Variants in RSRC1 observed in about 807,000 individuals in gnomAD.
The protein encoded by RSRC1 is arginine and serine rich coiled-coil 1, also known as serine/Arginine-related protein 53.
Under a neutral mutation model 49.1 loss-of-function variants are expected in RSRC1, and 39 were observed. The observed-to-expected ratio is 0.79, with a 90% CI of 0.61 to 1.04. The LOEUF (loss-of-function observed/expected upper bound fraction) is 1.04. Ranked by LOEUF, RSRC1 falls within the 50% of genes least tolerant of loss-of-function variation. RSRC1 has a pLI of 0.00. For missense variants in RSRC1, 388 were observed against 402.4 expected (o/e 0.96, Z 0.31); for synonymous variants, 143 against 130.8 (o/e 1.09, Z -0.63).
chr3:158,316,527 C>A (rs1728469106), intron 5 of RSRC1, among the ~76,000 whole-genome samples: 1 of 146,184 alleles, frequency 6.8e-6, no homozygotes, highest in Non-Finnish European at 1.5e-5. Flanking sequence ...TCACTGCAGG[C>A]TCCGCCCCCG....
At chr3:158,453,064 A>G (rs1393503105) in intron 6 of RSRC1, among the ~76,000 whole-genome samples, 3 of 152,112 alleles carry the variant, frequency 2.0e-5, no homozygotes, top group Non-Finnish European at 4.4e-5. Context: ...TTTCCATATT[A>G]ATATATATCA....
chr3:158,499,216 A>G (rs1309362150), intron 7 of RSRC1, among the ~76,000 whole-genome samples: 2 of 152,064 alleles, frequency 1.3e-5, no homozygotes, highest in Admixed American at 1.3e-4. Flanking sequence ...TCTCTACTAA[A>G]AATACAAAAA....
intron 4 of RSRC1, among the ~76,000 whole-genome samples, chr3:158,247,112 C>T (rs893805657): frequency 7.2e-5 from 11 of 151,902 alleles, no homozygotes; most frequent in African/African-American, 2.7e-4. Flanking sequence ...TTTGCCTGTC[C>T]TTATTCAGAA....
intron 6 of RSRC1, among the ~76,000 whole-genome samples, chr3:158,448,044 A>G (rs2108384856): frequency 6.6e-6 from 1 of 152,014 alleles, no homozygotes; most frequent in South Asian, 2.1e-4. Context: ...TTCACAAGGA[A>G]TAATTCTGTA....
At chr3:158,342,468 T>C (rs57611848) in intron 5 of RSRC1, among the ~76,000 whole-genome samples, 11,147 of 152,210 alleles carry the variant, frequency 0.073, 482 homozygotes, top group South Asian at 0.13. Context: ...GCCACCACCA[T>C]GTAAGAAGTG....
At chr3:158,163,113 C>T (rs751691519) in intron 3 of RSRC1, among the ~76,000 whole-genome samples, 19 of 152,154 alleles carry the variant, frequency 1.2e-4, no homozygotes, top group African/African-American at 1.9e-4. Context: ...GAGTGATTCT[C>T]ATGCCTCAGC....
chr3:158,339,910 A>C (rs1474831152), intron 5 of RSRC1, among the ~76,000 whole-genome samples: 1 of 152,248 alleles, frequency 6.6e-6, no homozygotes, highest in Non-Finnish European at 1.5e-5. Context: ...GAAGAGAGTT[A>C]GGGAGAAAAT....
intron 4 of RSRC1, among the ~76,000 whole-genome samples, chr3:158,240,166 C>T (rs530625254): frequency 6.6e-6 from 1 of 152,006 alleles, no homozygotes; most frequent in Non-Finnish European, 1.5e-5. Flanking sequence ...TGTTGCCTGT[C>T]TGCCTATTAC....
At chr3:158,404,689 T>C (rs1390037814) in intron 6 of RSRC1, among the ~76,000 whole-genome samples, 1 of 152,000 alleles carries the variant, frequency 6.6e-6, no homozygotes, top group Non-Finnish European at 1.5e-5. Flanking sequence ...AGTTCTACTT[T>C]AAATGTGATA....
chr3:158,354,811 C>A, intron 5 of RSRC1, 46 bp from the exon 6 acceptor site: 2 of 1,437,712 alleles, frequency 1.4e-6, no homozygotes, highest in East Asian at 2.6e-5. Context: ...TAAAACTGAC[C>A]TGTAAAAGTC....
chr3:158,184,561 C>G (rs1719817127), intron 3 of RSRC1, among the ~76,000 whole-genome samples: 1 of 151,964 alleles, frequency 6.6e-6, no homozygotes, highest in African/African-American at 2.4e-5. Flanking sequence ...ATGACATAAA[C>G]AATTTAGAAC....
intron 3 of RSRC1, among the ~76,000 whole-genome samples, chr3:158,149,723 T>C (rs1717403787): frequency 6.6e-6 from 1 of 152,162 alleles, no homozygotes; most frequent in Non-Finnish European, 1.5e-5. Context: ...AACCAACCTT[T>C]CTTAGATTGT....
intron 1 of RSRC1, among the ~76,000 whole-genome samples, chr3:158,113,319 A>G (rs1406651661): frequency 6.6e-6 from 1 of 151,884 alleles, no homozygotes; most frequent in African/African-American, 2.4e-5. Context: ...CAGTTTATTA[A>G]TAAAAGTGTT....
intron 3 of RSRC1, among the ~76,000 whole-genome samples, chr3:158,138,871 G>C (rs986387195): frequency 1.3e-5 from 2 of 152,022 alleles, no homozygotes; most frequent in African/African-American, 4.8e-5. Flanking sequence ...TTTAAAAGTA[G>C]GTAAACTGTT....
intron 4 of RSRC1, among the ~76,000 whole-genome samples, chr3:158,266,756 CCT>C (rs887761380): frequency 1.3e-5 from 2 of 151,644 alleles, no homozygotes; most frequent in East Asian, 3.9e-4. Flanking sequence ...TTTTTTTCCC[CCT>C]CTTTTTGATA....
At chr3:158,349,691 C>CTTTTTTTTTTTTTTTTT (rs775736592) in intron 5 of RSRC1, among the ~76,000 whole-genome samples, 1 of 74,852 alleles carries the variant, frequency 1.3e-5, no homozygotes, top group Non-Finnish European at 2.3e-5. Flanking sequence ...TCTTACTGCC[C>CTTTTTTTTTTTTTTTTT]TTTTTTTTTT....
At chr3:158,269,529 T>C (rs1725387325) in intron 4 of RSRC1, among the ~76,000 whole-genome samples, 1 of 152,204 alleles carries the variant, frequency 6.6e-6, no homozygotes, top group African/African-American at 2.4e-5. Flanking sequence ...TTTTTTTTTT[T>C]TGGAGTCAGA....
intron 3 of RSRC1, among the ~76,000 whole-genome samples, chr3:158,198,804 T>G (rs1259791332): frequency 6.6e-6 from 1 of 152,142 alleles, no homozygotes; most frequent in Non-Finnish European, 1.5e-5. Flanking sequence ...CCATCTTGGC[T>G]CCACCCCCCG....
chr3:158,286,246 G>A (rs527742885), intron 4 of RSRC1, among the ~76,000 whole-genome samples: 5 of 152,108 alleles, frequency 3.3e-5, no homozygotes, highest in Non-Finnish European at 7.3e-5. Context: ...GTTTTTTAGA[G>A]TTGAAAGTAA....
Sources: allele counts gnomAD v4.1 joint callset (sites outside exome capture counted in the v4.1 genomes callset), GRCh38; gene constraint gnomAD v4.1.1; transcripts MANE v1.5; gene names NCBI Gene and HGNC (gene_info 2026-07-23, HGNC 2026-07-21).